TENM2: variants seen among roughly 807,000 people sequenced by gnomAD.
The protein encoded by TENM2 is teneurin transmembrane protein 2.
TENM2 carries 52 observed loss-of-function variants against 245.2 expected under a neutral mutation model. That is an observed-to-expected ratio of 0.21 (90% CI 0.17 to 0.27). The LOEUF (loss-of-function observed/expected upper bound fraction) is 0.27, where lower values mean the gene tolerates loss of function less well. TENM2 is among the 10% of genes least tolerant of loss of function. The probability of loss-of-function intolerance (pLI) is 1.00; values close to 1 mark genes in which losing one functional copy is unlikely to be tolerated. For missense variants in TENM2, 3,046 were observed against 3,666.8 expected, an observed-to-expected ratio of 0.83 and a Z score of 4.37; for synonymous variants, 1,363 against 1,438.9, an observed-to-expected ratio of 0.95 and a Z score of 1.19.
At chr5:167,649,320 G>A (rs1780180897) in intron 2 of TENM2, among the ~76,000 whole-genome samples, 1 of 152,162 alleles carries the variant, frequency 6.6e-6, no homozygotes, top group Non-Finnish European at 1.5e-5. Context: ...CTTAAAGGCT[G>A]CAAAATGCTT....
chr5:167,598,646 T>C (rs1434438531), intron 2 of TENM2, among the ~76,000 whole-genome samples: 2 of 152,160 alleles, frequency 1.3e-5, no homozygotes, highest in Non-Finnish European at 2.9e-5. Flanking sequence ...AGAAACCTAC[T>C]GTGAAATTTA....
chr5:167,917,061 C>G (rs1031799331), intron 3 of TENM2, among the ~76,000 whole-genome samples: 1 of 152,084 alleles, frequency 6.6e-6, no homozygotes, highest in South Asian at 2.1e-4. Flanking sequence ...CAGGGAAAGG[C>G]CTTTGTTTGA....
At chr5:167,923,004 A>C (rs1468860793) in intron 3 of TENM2, among the ~76,000 whole-genome samples, 1 of 152,186 alleles carries the variant, frequency 6.6e-6, no homozygotes, top group Non-Finnish European at 1.5e-5. Context: ...GCTTCCCCCC[A>C]GTGCCTCTGT....
intron 4 of TENM2, among the ~76,000 whole-genome samples, chr5:167,959,875 A>G (rs1387417753): frequency 6.6e-6 from 1 of 152,036 alleles, no homozygotes; most frequent in Non-Finnish European, 1.5e-5. Flanking sequence ...TGACCTTCAG[A>G]TGGGTTTTCT....
chr5:168,055,972 G>A (rs979815443), intron 6 of TENM2, among the ~76,000 whole-genome samples: 5 of 152,176 alleles, frequency 3.3e-5, no homozygotes, highest in Non-Finnish European at 7.4e-5. Flanking sequence ...TGTCTAGCTA[G>A]GCATTAGACA....
At chr5:167,305,605 T>G (rs1755626325) in intron 1 of TENM2, among the ~76,000 whole-genome samples, 1 of 152,236 alleles carries the variant, frequency 6.6e-6, no homozygotes. Context: ...TGATTATTCG[T>G]AGAACTTTAA....
intron 27 of TENM2, among the ~76,000 whole-genome samples, chr5:168,250,096 CTGGATGAGTGGATGGATGGATGGATGGA>C (rs1766967697): frequency 1.3e-5 from 2 of 148,268 alleles, no homozygotes; most frequent in East Asian, 2.0e-4. Context: ...GGCTGGCTGG[CTGGATGAGTGGATGGATGGATGGATGGA>C]TGGATGGATG....
intron 19 of TENM2, among the ~76,000 whole-genome samples, chr5:168,204,863 A>C (rs1326717281): frequency 2.6e-5 from 4 of 152,238 alleles, no homozygotes; most frequent in African/African-American, 9.6e-5. Context: ...TAGTCTCCAG[A>C]CTGGAGAACA....
chr5:167,439,900 T>C (rs563519755), intron 2 of TENM2, among the ~76,000 whole-genome samples: 35 of 152,288 alleles, frequency 2.3e-4, no homozygotes, highest in African/African-American at 8.2e-4. Flanking sequence ...TTAAAAGATA[T>C]AATATTTTAT....
chr5:168,082,303 A>G (rs551741550), intron 7 of TENM2, among the ~76,000 whole-genome samples: 1 of 152,124 alleles, frequency 6.6e-6, no homozygotes, highest in Admixed American at 6.5e-5. Context: ...GGTCTTCTCT[A>G]TGCTGTTTAT....
chr5:167,324,422 T>C (rs953012873), intron 1 of TENM2, among the ~76,000 whole-genome samples: 1 of 152,218 alleles, frequency 6.6e-6, no homozygotes, highest in Non-Finnish European at 1.5e-5. Context: ...CTTTCAAAGA[T>C]GGATAGGTAA....
intron 6 of TENM2, among the ~76,000 whole-genome samples, chr5:168,060,053 G>C (rs1447205791): frequency 3.3e-5 from 5 of 152,106 alleles, no homozygotes; most frequent in African/African-American, 9.6e-5. Context: ...TCCTCCCCCT[G>C]CAGGTAAGTA....
chr5:167,263,155 G>A, the TENM2 span, among the ~76,000 whole-genome samples: 2 of 144,992 alleles, frequency 1.4e-5, no homozygotes, highest in African/African-American at 5.1e-5. Flanking sequence ...CTTCCCGGTA[G>A]CATTTTAAGT....
intron 2 of TENM2, among the ~76,000 whole-genome samples, chr5:167,741,162 T>A (rs1335402353): frequency 6.6e-6 from 1 of 152,176 alleles, no homozygotes; most frequent in Admixed American, 6.6e-5. Flanking sequence ...CTCCACCCAG[T>A]CCCTATCTTT....
chr5:167,082,599 T>C, the TENM2 span, among the ~76,000 whole-genome samples: 3 of 152,138 alleles, frequency 2.0e-5, no homozygotes, highest in African/African-American at 7.2e-5. Flanking sequence ...TGAGATATGC[T>C]GTTTTCAAAT....
chr5:167,321,785 A>T (rs57736136), intron 1 of TENM2, among the ~76,000 whole-genome samples: 32,541 of 62,622 alleles, frequency 0.52, 8,084 homozygotes, highest in Admixed American at 0.61. Flanking sequence ...GCCTTGGCTT[A>T]TTTTTTTTTT....
At chr5:167,809,996 C>T (rs2150988159) in intron 2 of TENM2, among the ~76,000 whole-genome samples, 1 of 152,186 alleles carries the variant, frequency 6.6e-6, no homozygotes, top group Admixed American at 6.5e-5. Flanking sequence ...ATTTGCTCTG[C>T]CGTCTGGTTG....
intron 2 of TENM2, among the ~76,000 whole-genome samples, chr5:167,575,142 C>T (rs1487822266): frequency 6.8e-6 from 1 of 146,378 alleles, no homozygotes; most frequent in Non-Finnish European, 1.5e-5. Context: ...ACAACCCAAA[C>T]CCACCTCTGA....
intron 2 of TENM2, among the ~76,000 whole-genome samples, chr5:167,468,805 T>C (rs1766829267): frequency 6.6e-6 from 1 of 152,190 alleles, no homozygotes. Context: ...AGCTTTTTAT[T>C]TGTAGTATTC....
Sources: allele counts gnomAD v4.1 joint callset (sites outside exome capture counted in the v4.1 genomes callset), GRCh38; gene constraint gnomAD v4.1.1; transcripts MANE v1.5; gene names NCBI Gene and HGNC (gene_info 2026-07-23, HGNC 2026-07-21).